The following ZNF587 variants were observed in gnomAD, a reference collection of about 807,000 sequenced individuals.
ZNF587 encodes zinc finger protein 587, also known as zinc finger protein zfp6.
ZNF587 carries 8 observed loss-of-function variants against 7.5 expected under a neutral mutation model. The observed-to-expected ratio is 1.06, with a 90% CI of 0.62 to 1.92. The LOEUF (loss-of-function observed/expected upper bound fraction) is 1.92, where lower values mean the gene tolerates loss of function less well. Ranked by LOEUF, ZNF587 falls within the 40% of genes most tolerant of loss-of-function variation. ZNF587 has a pLI of 0.00. For synonymous variants in ZNF587, 145 were observed against 237.8 expected, an observed-to-expected ratio of 0.61 and a Z score of 3.59; for missense variants, 468 against 692.8, an observed-to-expected ratio of 0.68 and a Z score of 3.64.
intron 1 of ZNF587, chr19:57,850,431 T>A (rs1285546722): frequency 9.3e-6 from 5 of 535,092 alleles, no homozygotes; most frequent in African/African-American, 3.8e-5. Flanking sequence ...CTGATCAGTC[T>A]GGTTGGAGAT....
intron 2 of ZNF587, among the ~76,000 whole-genome samples, chr19:57,857,704 G>A (rs1345752497): frequency 7.9e-5 from 12 of 151,738 alleles, no homozygotes; most frequent in East Asian, 1.9e-4. Context: ...GTATGATCTC[G>A]GCTCAGTGTA....
In ZNF587 at chr19:57,859,720, C is replaced by A. The variant is rs759330824; in HGVS notation, c.1308C>A (p.Tyr436Ter). The change falls in exon 3 of 3, where the codon TAC (tyrosine) becomes TAA (stop). Residue 436 changes from tyrosine to a stop codon, truncating the protein, a stop_gained. Transcript: ENST00000339656. LOFTEE classifies it low-confidence loss of function (END_TRUNC). ...GACTTCACACTGGGGAAAGACCTTA[C>A]AATTGTAGGGAATGTGGGAAATTAT... is the stretch of plus-strand genomic sequence containing the variant. ...HQRLHTGERP[Y>*]NCRECGKLFN... 1.2e-6 allele frequency: 2 copies of A among 1,613,212 alleles called. No homozygotes were observed. The highest frequency in any genetic ancestry group is 2.2e-5 in the East Asian group (1 of 44,832).
chr19:57,854,268 G>A (rs2122319143), intron 1 of ZNF587, among the ~76,000 whole-genome samples: 1 of 152,154 alleles, frequency 6.6e-6, no homozygotes, highest in South Asian at 2.1e-4. Flanking sequence ...AGCTGGTGCA[G>A]CACAAAAGTG....
In ZNF587 at chr19:57,860,295, G is replaced by C. The variant is rs748500548; in HGVS notation, c.*155G>C. 2 of 1,414,332 alleles carry C rather than the reference G, an allele frequency of 1.4e-6. No homozygotes were observed. 87.6% of individuals were successfully genotyped at this position (1,414,332 alleles called of 1,614,324 possible). A position where few individuals can be genotyped will look rare whatever the true frequency, so the allele number is the denominator to read the frequency against. On this transcript the variant is annotated 3_prime_UTR_variant, in exon 3 of 3. Coordinates refer to ENST00000339656, the MANE Select transcript of ZNF587 (RefSeq NM_032828.4). ...TTAAGCGACTTCGTGTTGAGATGGA[G>C]TCTTGTTCTGTCACCCAGGCTGGAG...
intron 1 of ZNF587, chr19:57,850,449 T>C (rs777647553): frequency 2.0e-6 from 1 of 512,738 alleles, no homozygotes; most frequent in Non-Finnish European, 3.4e-6. Context: ...GATGGATTCA[T>C]AGGGGGTTAA....
At chr19:57,854,930 A>T (rs2071332382) in intron 1 of ZNF587, among the ~76,000 whole-genome samples, 2 of 151,342 alleles carry the variant, frequency 1.3e-5, no homozygotes, top group South Asian at 4.2e-4. Context: ...GAATCCCAGC[A>T]CTTTGGGATG....
In ZNF587 at chr19:57,850,058, G is replaced by C. The variant is rs749422351; in HGVS notation, c.20G>C (p.Arg7Thr). 3.1e-6 allele frequency: 5 copies of C among 1,614,244 alleles called. No individual in the cohort carries two copies. Among genetic ancestry groups the C allele is most frequent in the Non-Finnish European group, 4.2e-6 (5 of 1,180,048 alleles). MAAAVPRRPTQQGTVTF... is the reference protein window; with the variant it reads MAAAVPTRPTQQGTVTF... ...AGTCCGATGGCAGCGGCTGTGCCGA[G>C]GCGCCCAACTCAGGTAATTGTGGTG... is the stretch of plus-strand genomic sequence containing the variant. The change falls in exon 1 of 3, where the codon AGG becomes ACG. Residue 7 changes from arginine to threonine, a missense_variant. Around this residue, in one of 5 missense-constraint regions of ZNF587, gnomAD observed 92 missense variants for 89.7 expected, o/e 1.03. Transcript: ENST00000339656.
Position 57,863,411 on chromosome 19 carries a change from T to G in ZNF587, c.*3271T>G, listed in dbSNP as rs559120709. Reference sequence around the variant, plus strand: ...AATTACAGGCGTGAGCCACTGCACCTGGCCTGTATTCTTTTCTTTAGTAGA... The same window carrying G: ...AATTACAGGCGTGAGCCACTGCACCGGGCCTGTATTCTTTTCTTTAGTAGA... On this transcript the variant is annotated 3_prime_UTR_variant, in exon 3 of 3. Transcript: ENST00000339656. The G allele has an allele frequency of 2.6e-5, 4 of 152,044 alleles. No individual in the cohort carries two copies. Among genetic ancestry groups the G allele is most frequent in the Non-Finnish European group, 2.9e-5 (2 of 68,112 alleles). 9.4% of individuals were successfully genotyped at this position (152,044 alleles called of 1,614,324 possible).
At position 57,856,229 on chromosome 19, in the gene ZNF587, G is replaced by A. The variant is rs558631475; in HGVS notation, c.159G>A (p.Ser53=). ...VMLENLALIS[S]LGCWCGSKDE... is the part of the protein sequence containing the mutation. ...TAGAGAACCTGGCTCTCATATCCTC[G>A]CTGGGTAAGTTGCTCACGCTCACCT... is the stretch of plus-strand genomic sequence containing the variant. The change falls in exon 2 of 3, where the codon TCG becomes TCA. Residue 53 remains serine (S), a synonymous_variant. Transcript: ENST00000339656. The A allele has an allele frequency of 1.6e-5, 25 of 1,576,820 alleles. No individual in the cohort carries two copies. In the East Asian group the frequency reaches 2.5e-4, roughly 16 times the overall value.
rs2071456907 is a variant in ZNF587, at chr19:57,863,071, C to T, written c.*2931C>T. The stretch of plus-strand genomic sequence containing the variant: ...GGTTCACGCCATTCTCTTGCCTCAG[C>T]CTCCTGAGTAGCTGGGACCACAAGC... On this transcript the variant is annotated 3_prime_UTR_variant, in exon 3 of 3. Transcript: ENST00000339656. 6.5e-6 allele frequency: 1 copy of T among 152,862 alleles called. No individual in the cohort carries two copies. The highest frequency in any genetic ancestry group is 6.5e-5 in the Admixed American group (1 of 15,274). The allele number at this position is 152,862 out of a possible 1,614,324, so 9.5% of individuals were successfully genotyped here.
intron 1 of ZNF587, chr19:57,852,458 G>A (rs1416639129): frequency 1.3e-5 from 5 of 398,452 alleles, no homozygotes; most frequent in Non-Finnish European, 2.2e-5. Flanking sequence ...GAGGGTTAAT[G>A]GATCAGATAA....
At position 57,859,834 on chromosome 19, in the gene ZNF587, C is replaced by T. The variant is rs755052328; in HGVS notation, c.1422C>T (p.Gly474=). The T allele has an allele frequency of 2.2e-5, 36 of 1,613,690 alleles. No homozygotes were observed. The highest frequency in any genetic ancestry group is 2.0e-4 in the African/African-American group (15 of 74,790). ...GTGAGGTATGTGGGAAATTATTTGG[C>T]AATAAGCACAGCGTGACTATACATC... The part of the protein sequence containing the change: ...YACEVCGKLF[G]NKHSVTIHQR... Residue 474 remains glycine (G), a synonymous_variant, in exon 3 of 3, where the codon GGC becomes GGT. Transcript: ENST00000339656.
intron 1 of ZNF587, 94 bp downstream of exon 1, chr19:57,850,165 C>G: frequency 6.2e-7 from 1 of 1,610,328 alleles, no homozygotes; most frequent in Non-Finnish European, 8.5e-7. Context: ...GGTCTGTAGC[C>G]GGTACCCGGC....
At chr19:57,858,231 A>T (rs1336667785) in intron 2 of ZNF587, 1 of 286,690 alleles carries the variant, frequency 3.5e-6, no homozygotes, top group Non-Finnish European at 6.5e-6. Context: ...GGTTCAAATG[A>T]TTCTCCTGCT....
chr19:57,853,294 G>A (rs190697922), intron 1 of ZNF587, among the ~76,000 whole-genome samples: 98 of 152,320 alleles, frequency 6.4e-4, no homozygotes, highest in African/African-American at 2.3e-3. Context: ...ATTCACTGTG[G>A]ATATCCAGAG....
At chr19:57,853,041 C>T (rs764530751) in intron 1 of ZNF587, among the ~76,000 whole-genome samples, 5 of 151,326 alleles carry the variant, frequency 3.3e-5, no homozygotes, top group African/African-American at 7.3e-5. Flanking sequence ...TTAGTAAAGT[C>T]GGGGTTTCAC....
intron 1 of ZNF587, among the ~76,000 whole-genome samples, chr19:57,855,588 G>A (rs935950440): frequency 1.2e-4 from 18 of 147,606 alleles, no homozygotes; most frequent in African/African-American, 4.5e-4. Flanking sequence ...TTGAGATGGT[G>A]TCTCGCTCTG....
intron 1 of ZNF587, among the ~76,000 whole-genome samples, chr19:57,855,183 C>CA (rs113798264): frequency 0.017 from 2,384 of 139,212 alleles, 68 homozygotes; most frequent in African/African-American, 0.056. Flanking sequence ...GACTCCGTCT[C>CA]AAAAAAAAAA....
chr19:57,849,981 C>A lies in ZNF587; in HGVS notation c.-58C>A. On this transcript the variant is annotated 5_prime_UTR_variant, in exon 1 of 3. Coordinates refer to ENST00000339656, the MANE Select transcript of ZNF587 (RefSeq NM_032828.4). ...AATCGTCCTCGGTGCCCAGAGGCGGCTCTGCAGCCCCGTGACGGCGACCAC... is the reference window on the plus strand; with the variant it reads ...AATCGTCCTCGGTGCCCAGAGGCGGATCTGCAGCCCCGTGACGGCGACCAC... The A allele has an allele frequency of 6.2e-7, 1 of 1,613,854 alleles. No homozygotes were observed. Among genetic ancestry groups the A allele is most frequent in the Non-Finnish European group, 8.5e-7 (1 of 1,179,972 alleles).
Sources: allele counts gnomAD v4.1 joint callset (sites outside exome capture counted in the v4.1 genomes callset), GRCh38; gene constraint gnomAD v4.1.1; regional missense constraint gnomAD v4.1.1; transcripts MANE v1.5; gene names NCBI Gene and HGNC (gene_info 2026-07-23, HGNC 2026-07-21).